RUNX1T1: variants seen among roughly 807,000 people sequenced by gnomAD.
RUNX1T1 encodes RUNX1 partner transcriptional co-repressor 1, also known as protein CBFA2T1.
In RUNX1T1, 4 loss-of-function variants were observed where a neutral mutation model predicts 62.8. The ratio of observed to expected loss-of-function variants is 0.06; its 90% confidence interval spans 0.03 to 0.15. RUNX1T1 has a LOEUF of 0.15. RUNX1T1 is among the 10% of genes least tolerant of loss of function. RUNX1T1 has a pLI of 1.00. For missense variants in RUNX1T1, 508 were observed against 754.3 expected (o/e 0.67, Z 3.82); for synonymous variants, 291 against 286.0 (o/e 1.02, Z -0.18).
chr8:91,974,806 T>C (rs1309084577), intron 9 of RUNX1T1, among the ~76,000 whole-genome samples: 3 of 152,198 alleles, frequency 2.0e-5, no homozygotes, highest in Non-Finnish European at 4.4e-5. Context: ...CTACTAAACC[T>C]AGAATGCTAT....
intron 1 of RUNX1T1, among the ~76,000 whole-genome samples, chr8:92,082,635 A>C (rs1835451790): frequency 6.6e-6 from 1 of 152,228 alleles, no homozygotes; most frequent in African/African-American, 2.4e-5. Flanking sequence ...TTCCTGAAGA[A>C]AAAACAGTGA....
exon 11 of RUNX1T1, chr8:91,959,466 GTATATGTGCGTGTGTGTGTGTGTATATA>G (rs1554588710): frequency 1.3e-4 from 12 of 89,274 alleles, no homozygotes; most frequent in East Asian, 1.2e-3. Flanking sequence ...GTGTGTGTGT[GTATATGTGCGTGTGTGTGTGTGTATATA>G]TATATATATA....
intron 1 of RUNX1T1, among the ~76,000 whole-genome samples, chr8:92,078,606 C>G (rs964066176): frequency 6.6e-6 from 1 of 152,104 alleles, no homozygotes; most frequent in East Asian, 1.9e-4. Context: ...GGAAAACATA[C>G]ATTCCCAAAC....
intron 5 of RUNX1T1, among the ~76,000 whole-genome samples, chr8:91,994,128 T>C (rs1818227801): frequency 6.6e-6 from 1 of 152,186 alleles, no homozygotes; most frequent in Non-Finnish European, 1.5e-5. Context: ...TGGCAAAGCA[T>C]GGCCCCCAAG....
At chr8:91,985,770 T>G (rs1231580600) in intron 8 of RUNX1T1, among the ~76,000 whole-genome samples, 1 of 152,164 alleles carries the variant, frequency 6.6e-6, no homozygotes, top group Non-Finnish European at 1.5e-5. Flanking sequence ...ACTAGAGACC[T>G]TGACGGAAGT....
intron 1 of RUNX1T1, among the ~76,000 whole-genome samples, chr8:92,089,195 A>C (rs1836591924): frequency 6.6e-6 from 1 of 152,186 alleles, no homozygotes; most frequent in Non-Finnish European, 1.5e-5. Flanking sequence ...AGTTCAAAAG[A>C]AACCCTAGCC....
chr8:92,068,072 T>C (rs1287006742), intron 2 of RUNX1T1, among the ~76,000 whole-genome samples: 7 of 152,076 alleles, frequency 4.6e-5, no homozygotes, highest in Non-Finnish European at 8.8e-5. Context: ...TCCTTATTAA[T>C]CCACAAGCTG....
chr8:92,049,406 C>T (rs1481501618), intron 1 of RUNX1T1, among the ~76,000 whole-genome samples: 1 of 152,082 alleles, frequency 6.6e-6, no homozygotes, highest in South Asian at 2.1e-4. Context: ...TGTGGCTTTC[C>T]CTCTTTTTCT....
At chr8:91,968,180 C>T (rs913649067) in intron 10 of RUNX1T1, among the ~76,000 whole-genome samples, 13 of 152,022 alleles carry the variant, frequency 8.6e-5, no homozygotes, top group Non-Finnish European at 1.2e-4. Flanking sequence ...TATCTGCCTC[C>T]GAGCTGTGCT....
intron 1 of RUNX1T1, chr8:92,095,064 A>G: frequency 6.5e-7 from 1 of 1,535,604 alleles, no homozygotes; most frequent in Non-Finnish European, 8.7e-7. Flanking sequence ...AGGTGATGGG[A>G]GATAGCGTCA....
At chr8:92,101,187 C>T (rs1259615190), upstream of RUNX1T1, among the ~76,000 whole-genome samples, 2 of 152,204 alleles carry the variant, frequency 1.3e-5, no homozygotes, top group East Asian at 3.8e-4. Flanking sequence ...CCCTGTAAAA[C>T]ACATTTCAGT....
chr8:92,055,307 T>G (rs1436780435), intron 1 of RUNX1T1, among the ~76,000 whole-genome samples: 1 of 152,214 alleles, frequency 6.6e-6, no homozygotes, highest in Non-Finnish European at 1.5e-5. Flanking sequence ...AGTTAAACAA[T>G]GTCAACAACA....
chr8:92,082,714 G>T (rs1835469275), intron 1 of RUNX1T1, among the ~76,000 whole-genome samples: 2 of 152,196 alleles, frequency 1.3e-5, no homozygotes, highest in African/African-American at 4.8e-5. Context: ...TCACTGTTCA[G>T]TACCATCTGT....
intron 1 of RUNX1T1, chr8:92,095,015 C>T: frequency 1.3e-6 from 2 of 1,531,548 alleles, no homozygotes; most frequent in Non-Finnish European, 1.7e-6. Context: ...ATAAGGCCCT[C>T]CGGTATTCTC....
At chr8:91,967,263 TG>T (rs1179096183) in intron 10 of RUNX1T1, among the ~76,000 whole-genome samples, 2 of 152,168 alleles carry the variant, frequency 1.3e-5, no homozygotes, top group Non-Finnish European at 2.9e-5. Flanking sequence ...TGGCTGACTG[TG>T]GGTTCCCATG....
chr8:92,072,869 G>A (rs1362421387), intron 2 of RUNX1T1, among the ~76,000 whole-genome samples: 1 of 152,150 alleles, frequency 6.6e-6, no homozygotes, highest in African/African-American at 2.4e-5. Flanking sequence ...ATATAAAGGT[G>A]CACAGCATCA....
At chr8:92,070,913 C>T (rs977484849) in intron 2 of RUNX1T1, among the ~76,000 whole-genome samples, 13 of 152,178 alleles carry the variant, frequency 8.5e-5, no homozygotes, top group Non-Finnish European at 1.9e-4. Flanking sequence ...GCAGGAAACA[C>T]CACCACCACC....
At chr8:92,057,712 G>A (rs940175425) in intron 1 of RUNX1T1, among the ~76,000 whole-genome samples, 4 of 152,170 alleles carry the variant, frequency 2.6e-5, no homozygotes, top group Non-Finnish European at 4.4e-5. Flanking sequence ...GCAAACAGCT[G>A]TTTGAGAAAG....
chr8:92,012,492 C>T lies in RUNX1T1; in HGVS notation c.388-1401G>A, dbSNP rs951286739. Reference sequence around the variant, plus strand: ...GCGGTGAGCCTTGCTGGCACCGATGCGAATGCATTGGGTGACAGAGAACGG... The same window carrying T: ...GCGGTGAGCCTTGCTGGCACCGATGTGAATGCATTGGGTGACAGAGAACGG... On this transcript the variant is annotated intron_variant, in intron 3 of 10. Coordinates refer to ENST00000396218, the Ensembl canonical transcript of RUNX1T1. Among the ~76,000 whole-genome samples the T allele has an allele frequency of 2.6e-5, 4 of 151,708 alleles. No individual in the cohort carries two copies. In the East Asian group the frequency reaches 5.9e-4, roughly 22 times the overall value.
Sources: allele counts gnomAD v4.1 joint callset (sites outside exome capture counted in the v4.1 genomes callset), GRCh38; gene constraint gnomAD v4.1.1; transcripts MANE v1.5; gene names NCBI Gene and HGNC (gene_info 2026-07-23, HGNC 2026-07-21).